CNOT4: variants seen among roughly 807,000 people sequenced by gnomAD.
CNOT4 encodes the protein CCR4-associated factor 4.
In CNOT4, 8 loss-of-function variants were observed where a neutral mutation model predicts 73.8. The observed-to-expected ratio is 0.11, with a 90% CI of 0.06 to 0.20. The LOEUF (loss-of-function observed/expected upper bound fraction) is 0.20. Ranked by LOEUF, CNOT4 falls within the 10% of genes least tolerant of loss-of-function variation. The pLI, the probability that CNOT4 is intolerant of heterozygous loss-of-function variation, is 1.00. For synonymous variants in CNOT4, 293 were observed against 321.1 expected (o/e 0.91, Z 0.94); for missense variants, 564 against 883.4 (o/e 0.64, Z 4.58).
chr7:135,464,942 AAC>A (rs1801128232), intron 1 of CNOT4, among the ~76,000 whole-genome samples: 1 of 152,060 alleles, frequency 6.6e-6, no homozygotes, highest in African/African-American at 2.4e-5. Context: ...AGGTACAAGA[AAC>A]ACAGATTAAA....
chr7:135,450,270 C>T (rs375881676), intron 1 of CNOT4, among the ~76,000 whole-genome samples: 66 of 152,200 alleles, frequency 4.3e-4, no homozygotes, highest in African/African-American at 1.3e-3. Flanking sequence ...CTTCTGAAGA[C>T]GTTTTTTAAG....
At chr7:135,389,347 T>C (rs183392974) in intron 10 of CNOT4, among the ~76,000 whole-genome samples, 6 of 151,932 alleles carry the variant, frequency 3.9e-5, no homozygotes, top group Non-Finnish European at 7.4e-5. Context: ...GCATAAATTA[T>C]GTACTAGAAA....
Position 135,410,601 on chromosome 7 carries a change from A to G in CNOT4, c.735T>C (p.Tyr245=), listed in dbSNP as rs777230857. The G allele has an allele frequency of 3.1e-6, 5 of 1,598,602 alleles. No individual in the cohort carries two copies. Among genetic ancestry groups the G allele is most frequent in the Non-Finnish European group, 4.3e-6 (5 of 1,173,258 alleles). ...EYEQKLLQEL[Y]KLNPNFLQLS... ...GCTGAAGAAAATTGGGATTTAATTT[A>G]TATAATTCTTGAAGTAGCTTCTGTT... The change falls in exon 7 of 12, where the codon TAT becomes TAC. Residue 245 remains tyrosine, a synonymous_variant. Coordinates refer to ENST00000541284, the MANE Select transcript of CNOT4 (RefSeq NM_001190850.2).
At chr7:135,403,793 T>G (rs1358756184) in intron 7 of CNOT4, among the ~76,000 whole-genome samples, 1 of 152,204 alleles carries the variant, frequency 6.6e-6, no homozygotes, top group Non-Finnish European at 1.5e-5. Context: ...AAAGTCAAAA[T>G]ATGGACATCT....
intron 2 of CNOT4, among the ~76,000 whole-genome samples, chr7:135,430,112 C>A (rs948791539): frequency 6.6e-6 from 1 of 152,154 alleles, no homozygotes; most frequent in East Asian, 1.9e-4. Flanking sequence ...AAAAAGAATA[C>A]CAATGACACG....
chr7:135,362,557 T>C lies in CNOT4; in HGVS notation c.*328A>G, dbSNP rs1008465778. ...AATCGTCATTTTCTGCTAAGCAGAT[T>C]ATGTCATTATTATGCGCAACAGACA... On this transcript the variant is annotated 3_prime_UTR_variant, in exon 12 of 12. Transcript: ENST00000541284. The C allele has an allele frequency of 2.5e-5, 11 of 437,552 alleles. No individual in the cohort carries two copies. The highest frequency in any genetic ancestry group is 4.7e-5 in the Non-Finnish European group (11 of 235,770). The allele number at this position is 437,552 out of a possible 1,614,324, so 27.1% of individuals were successfully genotyped here.
intron 1 of CNOT4, among the ~76,000 whole-genome samples, chr7:135,498,396 C>A (rs1043787676): frequency 3.3e-5 from 5 of 152,172 alleles, no homozygotes; most frequent in African/African-American, 7.2e-5. Context: ...TTCCCCAAAG[C>A]TGAAAATACT....
At chr7:135,458,149 C>A (rs1488436132) in intron 1 of CNOT4, among the ~76,000 whole-genome samples, 2 of 152,082 alleles carry the variant, frequency 1.3e-5, no homozygotes, top group East Asian at 3.8e-4. Context: ...GTTCCAGGCA[C>A]CTGCAATTAC....
intron 2 of CNOT4, among the ~76,000 whole-genome samples, chr7:135,429,845 C>A (rs7802262): frequency 0.02 from 3,051 of 152,280 alleles, 110 homozygotes; most frequent in African/African-American, 0.07. Context: ...CAGCTTTCTG[C>A]TCTTCCAGTA....
chr7:135,457,263 T>C (rs775087071), intron 1 of CNOT4, among the ~76,000 whole-genome samples: 1 of 151,830 alleles, frequency 6.6e-6, no homozygotes, highest in Non-Finnish European at 1.5e-5. Context: ...ATTATCTAAC[T>C]GTACTTCAAT....
rs117920685 is a variant in CNOT4, at chr7:135,384,648, C to G, written c.1627+9270G>C. 4.4e-3 allele frequency: 3,378 copies of G among 765,010 alleles called. 101 individuals carry two copies. The East Asian group carries it at 0.065, about 15-fold the overall frequency. The allele number at this position is 765,010 out of a possible 1,614,324, so 47.4% of individuals were successfully genotyped here. A position where few individuals can be genotyped will look rare whatever the true frequency, so the allele number is the denominator to read the frequency against. On this transcript the variant is annotated intron_variant, in intron 10 of 11. Transcript: ENST00000541284. ...GAGCTTATCTCTTCCCACCACCCAA[C>G]GACATCTATTATCCTACTGAATGAG...
intron 1 of CNOT4, among the ~76,000 whole-genome samples, chr7:135,453,153 A>C (rs188029473): frequency 1.3e-4 from 20 of 152,272 alleles, no homozygotes; most frequent in African/African-American, 4.8e-4. Context: ...ACTCCTATAA[A>C]TTAGTCTTTT....
intron 1 of CNOT4, among the ~76,000 whole-genome samples, chr7:135,479,113 T>C (rs1802187378): frequency 6.6e-6 from 1 of 152,040 alleles, no homozygotes; most frequent in African/African-American, 2.4e-5. Context: ...GTATGTGCAT[T>C]TTTTTAGCTT....
chr7:135,397,595 T>G (rs1796764954), intron 8 of CNOT4, among the ~76,000 whole-genome samples: 1 of 132,676 alleles, frequency 7.5e-6, no homozygotes, highest in African/African-American at 2.8e-5. Context: ...ACTCAAGGAG[T>G]GAAAAACTAG....
chr7:135,471,315 T>A (rs966427956), intron 1 of CNOT4, among the ~76,000 whole-genome samples: 8 of 151,884 alleles, frequency 5.3e-5, no homozygotes, highest in African/African-American at 1.9e-4. Context: ...CAGAGACCAC[T>A]CAAACAAACG....
intron 1 of CNOT4, among the ~76,000 whole-genome samples, chr7:135,485,112 C>T (rs1326969267): frequency 6.6e-6 from 1 of 152,118 alleles, no homozygotes; most frequent in Non-Finnish European, 1.5e-5. Flanking sequence ...CTCGCTCTGT[C>T]ACCAGGCTGG....
intron 2 of CNOT4, among the ~76,000 whole-genome samples, chr7:135,437,481 G>A (rs1040130562): frequency 1.3e-5 from 2 of 151,530 alleles, no homozygotes; most frequent in African/African-American, 2.4e-5. Flanking sequence ...GAGCCACCGC[G>A]CCCGGCCAGG....
At position 135,426,340 on chromosome 7, in the gene CNOT4, C is replaced by T. The variant is rs531747543; in HGVS notation, c.175-3987G>A. Among the ~76,000 whole-genome samples the T allele has an allele frequency of 2.4e-4, 37 of 152,248 alleles. No individual in the cohort carries two copies. In the South Asian group the frequency reaches 2.5e-3, roughly 10 times the overall value. ...TACAAAGGCTGGGCACGGTGGCTCA[C>T]GCCTGTAATCCCAGCACTTTGGGAG... is the stretch of plus-strand genomic sequence containing the variant. On this transcript the variant is annotated intron_variant, in intron 2 of 11. Transcript: ENST00000541284.
intron 1 of CNOT4, among the ~76,000 whole-genome samples, chr7:135,492,993 G>T (rs548353407): frequency 6.6e-6 from 1 of 152,160 alleles, no homozygotes; most frequent in Non-Finnish European, 1.5e-5. Context: ...GTGTAACCCA[G>T]GTGGCAGTAG....
Sources: gnomAD v4.1 joint callset for allele counts (sites outside exome capture counted in the v4.1 genomes callset) on GRCh38, gnomAD v4.1.1 for gene constraint, MANE v1.5 for transcripts, NCBI Gene and HGNC (gene_info 2026-07-23, HGNC 2026-07-21) for gene names.